IL6R: variants seen among roughly 807,000 people sequenced by gnomAD.
IL6R encodes the protein interleukin 6 receptor.
Under a neutral mutation model 48.3 loss-of-function variants are expected in IL6R, and 38 were observed. That is an observed-to-expected ratio of 0.79 (90% CI 0.61 to 1.03). The LOEUF is 1.03. Ranked by LOEUF, IL6R falls within the 50% of genes least tolerant of loss-of-function variation. The probability of loss-of-function intolerance (pLI) is 0.00; values close to 1 mark genes in which losing one functional copy is unlikely to be tolerated. For synonymous variants in IL6R, 264 were observed against 256.2 expected, an observed-to-expected ratio of 1.03 and a Z score of -0.29; for missense variants, 534 against 618.3, an observed-to-expected ratio of 0.86 and a Z score of 1.45.
intron 1 of IL6R, among the ~76,000 whole-genome samples, chr1:154,412,199 G>A (rs188186998): frequency 9.3e-5 from 14 of 151,330 alleles, no homozygotes; most frequent in East Asian, 3.9e-4. Context: ...TGCCCACCTC[G>A]TCCTCTCAAA....
At position 154,436,085 on chromosome 1, in the gene IL6R, G is replaced by A. The variant is rs1234709208; in HGVS notation, c.924G>A (p.Pro308=). The part of the protein sequence containing the change: ...FGQGEWSEWS[P]EAMGTPWTES... The stretch of plus-strand genomic sequence containing the variant: ...AAGGCGAGTGGAGCGAGTGGAGCCC[G>A]GAGGCCATGGGCACGCCTTGGACAG... The change falls in exon 6 of 10, where the codon CCG becomes CCA. Residue 308 remains proline (P), a synonymous_variant. Transcript: ENST00000368485. 31 of 1,612,092 alleles carry A rather than the reference G, an allele frequency of 1.9e-5. No homozygotes were observed. Among genetic ancestry groups the A allele is most frequent in the East Asian group, 2.2e-5 (1 of 44,844 alleles).
intron 1 of IL6R, among the ~76,000 whole-genome samples, chr1:154,428,280 TC>T (rs769089861): frequency 6.6e-6 from 1 of 152,160 alleles, no homozygotes; most frequent in Non-Finnish European, 1.5e-5. Context: ...TTTTTAACCT[TC>T]CAGTTTGGTC....
At chr1:154,457,340 A>G (rs868255591) in intron 9 of IL6R, among the ~76,000 whole-genome samples, 156 of 151,200 alleles carry the variant, frequency 1.0e-3, no homozygotes, top group African/African-American at 3.1e-3. Context: ...AAAAAAAAAA[A>G]AAAAGAAAAG....
intron 1 of IL6R, among the ~76,000 whole-genome samples, chr1:154,425,326 G>A (rs1262154161): frequency 6.6e-6 from 1 of 152,144 alleles, no homozygotes; most frequent in African/African-American, 2.4e-5. Flanking sequence ...TTGGGCAAGT[G>A]CACTGAGTCA....
chr1:154,434,931 A>C, intron 4 of IL6R, 59 bp from the exon 5 acceptor site: 4 of 1,574,066 alleles, frequency 2.5e-6, no homozygotes, highest in Non-Finnish European at 3.5e-6. Context: ...CTCAGCCTAC[A>C]TGGGCTTCTC....
chr1:154,435,017 C>T lies in IL6R; in HGVS notation c.668C>T (p.Thr223Ile). The T allele has an allele frequency of 6.2e-7, 1 of 1,614,200 alleles. No individual in the cohort carries two copies. Among genetic ancestry groups the T allele is most frequent in the Admixed American group, 1.7e-5 (1 of 60,016 alleles). ...CAGCCTGATCCGCCTGCCAACATCA[C>T]AGTCACTGCCGTGGCCAGAAACCCC... ...ILQPDPPANI[T>I]VTAVARNPRW... The change falls in exon 5 of 10, where the codon ACA becomes ATA. Residue 223 changes from threonine to isoleucine, a missense_variant. Transcript: ENST00000368485.
At chr1:154,435,625 T>C (rs1312477741) in intron 5 of IL6R, among the ~76,000 whole-genome samples, 2 of 152,068 alleles carry the variant, frequency 1.3e-5, no homozygotes, top group African/African-American at 4.8e-5. Flanking sequence ...TGAGCCTTGG[T>C]GGTATATCAT....
chr1:154,429,149 C>T, intron 1 of IL6R, 47 bp from the exon 2 acceptor site: 1 of 1,582,336 alleles, frequency 6.3e-7, no homozygotes. Flanking sequence ...ACGAAGCCCC[C>T]TTCTTCAGTG....
At chr1:154,431,151 C>T (rs956469453) in intron 3 of IL6R, among the ~76,000 whole-genome samples, 30 of 150,642 alleles carry the variant, frequency 2.0e-4, no homozygotes, top group Non-Finnish European at 3.4e-4. Context: ...AGCTTGGGGC[C>T]GTGGGGGGAG....
intron 1 of IL6R, among the ~76,000 whole-genome samples, chr1:154,421,942 A>AATT (rs1688691969): frequency 2.1e-5 from 3 of 145,132 alleles, no homozygotes; most frequent in Non-Finnish European, 1.5e-5. Flanking sequence ...TTTTTTTTTT[A>AATT]ATTATTATTA....
chr1:154,449,738 G>GA (rs1458283354), intron 7 of IL6R, among the ~76,000 whole-genome samples, 173 bp from the exon 8 acceptor site: 1 of 152,126 alleles, frequency 6.6e-6, no homozygotes, highest in African/African-American at 2.4e-5. Flanking sequence ...GGTGTGGATA[G>GA]AAAAAATGCA....
chr1:154,426,158 T>TCACACA (rs1458649669), intron 1 of IL6R, among the ~76,000 whole-genome samples: 1 of 73,256 alleles, frequency 1.4e-5, no homozygotes, highest in Non-Finnish European at 3.0e-5. Context: ...AGACCCTGTA[T>TCACACA]CAGACACACA....
chr1:154,431,678 G>A (rs1042852407), intron 3 of IL6R, among the ~76,000 whole-genome samples: 1 of 152,194 alleles, frequency 6.6e-6, no homozygotes, highest in Admixed American at 6.5e-5. Context: ...GGTGAATGAT[G>A]TAGGCATTGT....
intron 1 of IL6R, among the ~76,000 whole-genome samples, chr1:154,419,505 C>T (rs1688529547): frequency 6.6e-6 from 1 of 152,252 alleles, no homozygotes; most frequent in Admixed American, 6.5e-5. Flanking sequence ...TTTGTTTCCT[C>T]TGTAGCCCCT....
At chr1:154,429,565 G>A (rs1689178277) in intron 2 of IL6R, 121 bp downstream of exon 2, 1 of 1,229,496 alleles carries the variant, frequency 8.1e-7, no homozygotes, top group Non-Finnish European at 1.1e-6. Flanking sequence ...AGAATTTTGG[G>A]GAAGGCCCAC....
chr1:154,439,616 A>G (rs551954618), intron 6 of IL6R, among the ~76,000 whole-genome samples: 1 of 152,224 alleles, frequency 6.6e-6, no homozygotes, highest in South Asian at 2.1e-4. Flanking sequence ...CGCCCTGCCC[A>G]TTTATATTAT....
intron 3 of IL6R, 58 bp from the exon 4 acceptor site, chr1:154,434,461 C>G (rs549033254): frequency 1.3e-6 from 2 of 1,489,970 alleles, no homozygotes; most frequent in Non-Finnish European, 9.2e-7. Context: ...CCTTCTGTCC[C>G]GTCTTGAGTC....
At chr1:154,415,829 AGT>A (rs1688308899) in intron 1 of IL6R, among the ~76,000 whole-genome samples, 1 of 152,130 alleles carries the variant, frequency 6.6e-6, no homozygotes, top group Admixed American at 6.6e-5. Flanking sequence ...AAATACAAAA[AGT>A]AGCCAGCTGT....
At chr1:154,447,855 C>T (rs1046832352) in intron 6 of IL6R, among the ~76,000 whole-genome samples, 25 of 152,012 alleles carry the variant, frequency 1.6e-4, no homozygotes, top group African/African-American at 6.0e-4. Flanking sequence ...GCTGGGATTA[C>T]AGGCATGTGC....
Sources: gnomAD v4.1 joint callset for allele counts (sites outside exome capture counted in the v4.1 genomes callset) on GRCh38, gnomAD v4.1.1 for gene constraint, MANE v1.5 for transcripts, NCBI Gene and HGNC (gene_info 2026-07-23, HGNC 2026-07-21) for gene names.